EPHA6: variants seen among roughly 807,000 people sequenced by gnomAD.
EPHA6 encodes EPH receptor A6.
A neutral mutation model predicts 112.0 loss-of-function variants in EPHA6; 50 were observed. That is an observed-to-expected ratio of 0.45 (90% CI 0.36 to 0.56). The LOEUF (loss-of-function observed/expected upper bound fraction) is 0.56, where lower values mean the gene tolerates loss of function less well. EPHA6 is among the 20% of genes least tolerant of loss of function. The pLI, the probability that EPHA6 is intolerant of heterozygous loss-of-function variation, is 0.00. For synonymous variants in EPHA6, 529 were observed against 490.7 expected (o/e 1.08, Z -1.03); for missense variants, 1,280 against 1,417.4 (o/e 0.90, Z 1.56).
At chr3:97,060,639 C>T (rs886941009) in intron 3 of EPHA6, among the ~76,000 whole-genome samples, 25 of 151,906 alleles carry the variant, frequency 1.6e-4, no homozygotes, top group Admixed American at 1.6e-3. Flanking sequence ...CGGCCGGGCG[C>T]GGTGGCTCAC....
chr3:97,754,846 G>A lies in EPHA6; in HGVS notation c.*6145G>A, dbSNP rs2035987080. 6.6e-6 allele frequency among the ~76,000 whole-genome samples: 1 copy of A among 152,180 alleles called. No homozygotes were observed. Among genetic ancestry groups the A allele is most frequent in the South Asian group, 2.1e-4 (1 of 4,828 alleles). ...AGTCTCCAGAGTAGCTGGAACTACA[G>A]GCGTCCGTCACCACGCCCGGCTAAT... On this transcript the variant is annotated 3_prime_UTR_variant, in exon 18 of 18. Coordinates refer to ENST00000389672, the MANE Select transcript of EPHA6 (RefSeq NM_001080448.3).
chr3:96,817,057 G>A (rs2032849125), intron 1 of EPHA6, among the ~76,000 whole-genome samples: 2 of 151,922 alleles, frequency 1.3e-5, no homozygotes, highest in African/African-American at 4.8e-5. Context: ...CTCTTAATTT[G>A]AATTTGTATT....
At chr3:97,664,688 A>G (rs1214618218) in intron 14 of EPHA6, among the ~76,000 whole-genome samples, 2 of 152,150 alleles carry the variant, frequency 1.3e-5, no homozygotes, top group African/African-American at 2.4e-5. Flanking sequence ...CAGATAAACA[A>G]AGAGCCAAAT....
chr3:97,410,766 C>T (rs761094544), intron 6 of EPHA6, among the ~76,000 whole-genome samples: 1 of 152,006 alleles, frequency 6.6e-6, no homozygotes, highest in Non-Finnish European at 1.5e-5. Flanking sequence ...TCCAGCATTC[C>T]TCTGAGTTGT....
chr3:97,492,313 C>T (rs1357304594), intron 10 of EPHA6, among the ~76,000 whole-genome samples: 6 of 151,502 alleles, frequency 4.0e-5, no homozygotes, highest in African/African-American at 9.7e-5. Flanking sequence ...GAGGCCGAGG[C>T]GTGCAGATCA....
In EPHA6 at chr3:96,814,628, A is replaced by G. The variant is rs746263979; in HGVS notation, c.5A>G (p.Gln2Arg). 3.3e-5 allele frequency: 49 copies of G among 1,464,890 alleles called. No individual in the cohort carries two copies. The East Asian group carries it at 1.2e-3, about 35-fold the overall frequency. The allele number at this position is 1,464,890 out of a possible 1,614,324, so 90.7% of individuals were successfully genotyped here. ...GCAAGCGGGACACTGTGGTGGATGC[A>G]ATTCCCCTCGCCTCCAGCCGCGAGG... M[Q>R]FPSPPAARSS... Residue 2 changes from glutamine to arginine, a missense_variant, in exon 1 of 18, where the codon CAA (glutamine) becomes CGA (arginine). Physicochemically the swap from Gln to Arg is conservative, Grantham distance 43 (BLOSUM62 1). This residue lies in a region of EPHA6 where 220 missense variants were observed against 171.5 expected (regional missense o/e 1.28). Transcript: ENST00000389672.
intron 3 of EPHA6, among the ~76,000 whole-genome samples, chr3:97,161,095 T>G (rs1267146314): frequency 6.6e-6 from 1 of 152,146 alleles, no homozygotes; most frequent in Non-Finnish European, 1.5e-5. Context: ...TACTTCCATT[T>G]GATGATGGAG....
chr3:96,880,554 T>C (rs1187482557), intron 2 of EPHA6, among the ~76,000 whole-genome samples: 1 of 152,118 alleles, frequency 6.6e-6, no homozygotes, highest in Non-Finnish European at 1.5e-5. Context: ...AATGAACATA[T>C]CACAAAATTG....
intron 3 of EPHA6, among the ~76,000 whole-genome samples, chr3:97,148,318 T>TA (rs1270555477): frequency 6.6e-6 from 1 of 151,854 alleles, no homozygotes; most frequent in East Asian, 1.9e-4. Flanking sequence ...AAATAAAAAT[T>TA]AAAAATTGGT....
intron 10 of EPHA6, among the ~76,000 whole-genome samples, chr3:97,492,572 A>C (rs2091873732): frequency 8.8e-6 from 1 of 113,880 alleles, no homozygotes; most frequent in African/African-American, 2.9e-5. Context: ...AAAAAAAAAA[A>C]AAAAAAAAAA....
intron 3 of EPHA6, among the ~76,000 whole-genome samples, chr3:97,039,891 C>T (rs1180292514): frequency 6.6e-6 from 1 of 151,834 alleles, no homozygotes; most frequent in Non-Finnish European, 1.5e-5. Context: ...AACCTTTATA[C>T]TACTAAGTTC....
At chr3:97,310,305 A>G (rs1308857171) in intron 5 of EPHA6, among the ~76,000 whole-genome samples, 2 of 151,656 alleles carry the variant, frequency 1.3e-5, no homozygotes, top group East Asian at 1.9e-4. Flanking sequence ...GTTACTGAAC[A>G]CACATCAACT....
At chr3:97,287,056 T>C in intron 5 of EPHA6, among the ~76,000 whole-genome samples, 1 of 152,096 alleles carries the variant, frequency 6.6e-6, no homozygotes, top group East Asian at 1.9e-4. Context: ...TCATTATTAG[T>C]GAATAGACAT....
chr3:97,700,355 T>C (rs931538701), intron 14 of EPHA6, among the ~76,000 whole-genome samples: 6 of 152,186 alleles, frequency 3.9e-5, no homozygotes, highest in African/African-American at 9.7e-5. Context: ...TCGATGACCA[T>C]GTGGGATGCC....
At chr3:96,942,384 G>GT (rs1176997538) in intron 2 of EPHA6, among the ~76,000 whole-genome samples, 2 of 152,266 alleles carry the variant, frequency 1.3e-5, no homozygotes, top group Admixed American at 1.3e-4. Flanking sequence ...AGCAATCAGC[G>GT]TGACTCCGTG....
At chr3:97,428,281 TAAAC>T (rs1254500923) in intron 6 of EPHA6, among the ~76,000 whole-genome samples, 2 of 152,116 alleles carry the variant, frequency 1.3e-5, no homozygotes, top group African/African-American at 4.8e-5. Context: ...AAGGAAATGA[TAAAC>T]AAAATTCATG....
intron 3 of EPHA6, among the ~76,000 whole-genome samples, chr3:97,096,488 A>G (rs923871229): frequency 6.7e-4 from 102 of 152,056 alleles, no homozygotes; most frequent in African/African-American, 2.2e-3. Flanking sequence ...TACTGACTTC[A>G]TAAGTATTGA....
chr3:97,580,966 C>T (rs2093431986), intron 11 of EPHA6, among the ~76,000 whole-genome samples: 1 of 152,142 alleles, frequency 6.6e-6, no homozygotes, highest in Non-Finnish European at 1.5e-5. Flanking sequence ...TTGGCTGGCT[C>T]CTATACAGGA....
chr3:97,017,403 G>A (rs899880909), intron 3 of EPHA6, among the ~76,000 whole-genome samples: 5 of 152,182 alleles, frequency 3.3e-5, no homozygotes, highest in Non-Finnish European at 1.5e-5. Context: ...ACCCTCAGAA[G>A]GAGTATTTAA....
Sources: allele counts gnomAD v4.1 joint callset (sites outside exome capture counted in the v4.1 genomes callset), GRCh38; gene constraint gnomAD v4.1.1; regional missense constraint gnomAD v4.1.1; transcripts MANE v1.5; gene names NCBI Gene and HGNC (gene_info 2026-07-23, HGNC 2026-07-21).